The following DAW1 variants were observed in gnomAD, a reference collection of about 807,000 sequenced individuals.
The protein encoded by DAW1 is dynein assembly factor with WD repeats 1.
A neutral mutation model predicts 56.5 loss-of-function variants in DAW1; 47 were observed. That is an observed-to-expected ratio of 0.83 (90% CI 0.66 to 1.06). DAW1 has a LOEUF of 1.06. Ranked by LOEUF, DAW1 falls within the 50% of genes least tolerant of loss-of-function variation. DAW1 has a pLI of 0.00. For synonymous variants in DAW1, 190 were observed against 179.0 expected (o/e 1.06, Z -0.49); for missense variants, 505 against 499.3 (o/e 1.01, Z -0.11).
At chr2:227,890,865 A>G (rs1559305261) in intron 3 of DAW1, among the ~76,000 whole-genome samples, 3 of 152,250 alleles carry the variant, frequency 2.0e-5, no homozygotes, top group South Asian at 4.1e-4. Flanking sequence ...CAATTTATGT[A>G]TATGCATTCA....
intron 4 of DAW1, 60 bp downstream of exon 4, chr2:227,891,373 T>A: frequency 7.0e-7 from 1 of 1,426,932 alleles, no homozygotes; most frequent in Non-Finnish European, 9.9e-7. Context: ...TGTTTATTTA[T>A]CAAAGATTCC....
intron 1 of DAW1, among the ~76,000 whole-genome samples, chr2:227,875,012 C>T (rs987006988): frequency 3.7e-4 from 55 of 146,804 alleles, no homozygotes; most frequent in Admixed American, 3.4e-3. Flanking sequence ...CAAACCATCC[C>T]GCATAGTCCT....
At chr2:227,902,406 A>G (rs1691568819) in intron 6 of DAW1, among the ~76,000 whole-genome samples, 1 of 152,116 alleles carries the variant, frequency 6.6e-6, no homozygotes, top group Non-Finnish European at 1.5e-5. Flanking sequence ...CAGATGTCTC[A>G]ATGAGATGAA....
At position 227,871,703 on chromosome 2, in the gene DAW1, G is replaced by A. The variant is rs1690752359; in HGVS notation, c.14G>A (p.Ser5Asn). The A allele has an allele frequency of 1.9e-6, 3 of 1,613,778 alleles. No individual in the cohort carries two copies. The highest frequency in any genetic ancestry group is 2.5e-6 in the Non-Finnish European group (3 of 1,179,932). Residue 5 changes from serine to asparagine, a missense_variant, in exon 1 of 13, where the codon AGC (serine) becomes AAC (asparagine). Ser to Asn is a conservative substitution (Grantham distance 46). Transcript: ENST00000309931. MKLK[S>N]LLLRYYPPGI... ...GAGAGCAAGAAAATGAAGCTCAAGA[G>A]CCTCCTGCTCCGGTATTACCCGCCA... is the stretch of plus-strand genomic sequence containing the variant.
At chr2:227,874,949 C>G (rs1434335899) in intron 1 of DAW1, among the ~76,000 whole-genome samples, 2 of 138,052 alleles carry the variant, frequency 1.4e-5, no homozygotes. Flanking sequence ...GGTGCCAGAG[C>G]AAGACTCTGT....
At chr2:227,886,683 ACACCTGTAATCCCAG>A (rs1476166704) in intron 2 of DAW1, among the ~76,000 whole-genome samples, 11 of 152,230 alleles carry the variant, frequency 7.2e-5, no homozygotes, top group Non-Finnish European at 1.6e-4. Flanking sequence ...GTGGTGGCTC[ACACCTGTAATCCCAG>A]CATCTTGGGA....
At chr2:227,902,147 T>C (rs530365150) in intron 6 of DAW1, among the ~76,000 whole-genome samples, 71 of 152,278 alleles carry the variant, frequency 4.7e-4, no homozygotes, top group African/African-American at 1.7e-3. Context: ...TGCTGAGGAC[T>C]CTACTGAGGA....
intron 1 of DAW1, among the ~76,000 whole-genome samples, chr2:227,880,314 T>G (rs893806593): frequency 3.3e-5 from 5 of 152,172 alleles, no homozygotes; most frequent in Non-Finnish European, 7.3e-5. Flanking sequence ...ACAGCTAGGT[T>G]TAAAAATATT....
chr2:227,890,389 A>G (rs1691234324), intron 3 of DAW1, among the ~76,000 whole-genome samples: 1 of 152,218 alleles, frequency 6.6e-6, no homozygotes, highest in Non-Finnish European at 1.5e-5. Context: ...ATATTTCAGT[A>G]AATTATTTAT....
intron 11 of DAW1, among the ~76,000 whole-genome samples, chr2:227,919,942 A>C (rs933842905): frequency 3.3e-5 from 5 of 152,142 alleles, no homozygotes; most frequent in African/African-American, 1.2e-4. Flanking sequence ...GCTGGTGATC[A>C]TTGCCCTCTG....
rs1692034046 is a variant in DAW1 at position 227,918,769 on chromosome 2, C to T, written c.974-11C>T. 6.2e-7 allele frequency: 1 copy of T among 1,613,852 alleles called. No homozygotes were observed. On this transcript the variant is annotated splice_polypyrimidine_tract_variant and intron_variant, in intron 10 of 12. Transcript: ENST00000309931. ...GATGAATTTATATATATCCCCACCCCTCTCAAAAAGGAACAGCAAGAATTT... is the reference window on the plus strand; with the variant it reads ...GATGAATTTATATATATCCCCACCCTTCTCAAAAAGGAACAGCAAGAATTT...
intron 4 of DAW1, among the ~76,000 whole-genome samples, chr2:227,893,577 C>T (rs1020863904): frequency 3.3e-5 from 5 of 151,840 alleles, no homozygotes; most frequent in Admixed American, 6.6e-5. Context: ...GAGGCTGAGG[C>T]GGGAGAATTG....
At chr2:227,911,275 CACGTGTATATATACAT>C (rs1559312601) in intron 10 of DAW1, among the ~76,000 whole-genome samples, 6 of 124,966 alleles carry the variant, frequency 4.8e-5, no homozygotes, top group African/African-American at 1.2e-4. Flanking sequence ...TACACATATA[CACGTGTATATATACAT>C]ATATACACGT....
chr2:227,885,572 G>A (rs1559303505), intron 2 of DAW1, 149 bp downstream of exon 2: 3 of 493,160 alleles, frequency 6.1e-6, no homozygotes, highest in East Asian at 6.8e-5. Context: ...TTGTTTCAGG[G>A]AGTTGTATCT....
At chr2:227,885,683 GA>G (rs1415226233) in intron 2 of DAW1, among the ~76,000 whole-genome samples, 1 of 152,060 alleles carries the variant, frequency 6.6e-6, no homozygotes, top group African/African-American at 2.4e-5. Flanking sequence ...TATGATTTTA[GA>G]AAGGCCGTGA....
chr2:227,883,573 T>C (rs1383895543), intron 1 of DAW1, among the ~76,000 whole-genome samples: 1 of 152,210 alleles, frequency 6.6e-6, no homozygotes, highest in African/African-American at 2.4e-5. Context: ...AGTTTTAATA[T>C]CAAAAAATGT....
chr2:227,918,495 GT>G (rs1170143512), intron 10 of DAW1, among the ~76,000 whole-genome samples: 2 of 152,048 alleles, frequency 1.3e-5, no homozygotes, highest in Non-Finnish European at 2.9e-5. Context: ...TTCTCTTAAA[GT>G]TTTTTCTTTC....
At chr2:227,876,553 C>T (rs972291321) in intron 1 of DAW1, 7 of 1,253,424 alleles carry the variant, frequency 5.6e-6, no homozygotes, top group African/African-American at 1.5e-5. Flanking sequence ...GAATCATTCC[C>T]GTGCTACCTT....
At chr2:227,887,104 G>C (rs1401984109) in intron 2 of DAW1, among the ~76,000 whole-genome samples, 1 of 152,148 alleles carries the variant, frequency 6.6e-6, no homozygotes, top group Non-Finnish European at 1.5e-5. Context: ...TCTAGGGTGG[G>C]GCTGGGGCAT....
Sources: gnomAD v4.1 joint callset for allele counts (sites outside exome capture counted in the v4.1 genomes callset) on GRCh38, gnomAD v4.1.1 for gene constraint, MANE v1.5 for transcripts, NCBI Gene and HGNC (gene_info 2026-07-23, HGNC 2026-07-21) for gene names.